Variants in YTHDF2 observed in about 807,000 individuals in gnomAD.
YTHDF2 encodes YTH N6-methyladenosine RNA binding protein F2, also known as YTH domain-containing family protein 2.
YTHDF2 carries 2 observed loss-of-function variants against 50.4 expected under a neutral mutation model. That is an observed-to-expected ratio of 0.04 (90% CI 0.02 to 0.12). The LOEUF is 0.12. YTHDF2 is among the 10% of genes least tolerant of loss of function. The pLI, the probability that YTHDF2 is intolerant of heterozygous loss-of-function variation, is 1.00. For synonymous variants in YTHDF2, 217 were observed against 255.6 expected (o/e 0.85, Z 1.44); for missense variants, 483 against 722.6 (o/e 0.67, Z 3.80).
intron 4 of YTHDF2, among the ~76,000 whole-genome samples, chr1:28,760,990 A>G (rs1242078573): frequency 1.3e-5 from 2 of 152,152 alleles, no homozygotes; most frequent in East Asian, 1.9e-4. Flanking sequence ...CAAGTGAGTA[A>G]TGTTTTGTGC....
At chr1:28,737,863 C>A in intron 2 of YTHDF2, 181 bp downstream of exon 2, 12 of 637,226 alleles carry the variant, frequency 1.9e-5, no homozygotes, top group East Asian at 5.9e-5. Flanking sequence ...AGCTTTTTCG[C>A]TAACAAGGAG....
intron 2 of YTHDF2, 114 bp downstream of exon 2, chr1:28,737,796 A>C: frequency 8.0e-7 from 1 of 1,254,142 alleles, no homozygotes; most frequent in Non-Finnish European, 1.1e-6. Flanking sequence ...CTTAGTTCGC[A>C]GGTGCCGCAC....
At chr1:28,736,661 T>TG (rs1176635797), upstream of YTHDF2, 1 of 165,452 alleles carries the variant, frequency 6.0e-6, no homozygotes, top group African/African-American at 2.4e-5. Context: ...GGTGCGACCC[T>TG]GGTCGTCCCA....
At chr1:28,754,985 G>A (rs920729936) in intron 4 of YTHDF2, among the ~76,000 whole-genome samples, 3 of 148,172 alleles carry the variant, frequency 2.0e-5, no homozygotes, top group East Asian at 2.0e-4. Flanking sequence ...AAAAAAAAAA[G>A]GGGTGGGAGA....
At chr1:28,752,599 G>T (rs550009640) in intron 4 of YTHDF2, among the ~76,000 whole-genome samples, 18 of 152,238 alleles carry the variant, frequency 1.2e-4, no homozygotes, top group African/African-American at 4.1e-4. Flanking sequence ...TGGCCCAGCT[G>T]TTAGTTACAT....
intron 3 of YTHDF2, among the ~76,000 whole-genome samples, chr1:28,741,022 G>A (rs1242687582): frequency 5.6e-5 from 8 of 143,746 alleles, no homozygotes; most frequent in African/African-American, 1.8e-4. Context: ...TTTTTGAGAC[G>A]GAGTCTTGCT....
intron 3 of YTHDF2, 64 bp from the exon 4 acceptor site, chr1:28,742,339 G>C (rs1203977807): frequency 1.4e-5 from 21 of 1,510,868 alleles, no homozygotes; most frequent in Non-Finnish European, 1.5e-5. Flanking sequence ...TGACTAGGTG[G>C]GGGGAGGAAA....
intron 4 of YTHDF2, among the ~76,000 whole-genome samples, chr1:28,748,812 C>G (rs1216782981): frequency 6.6e-6 from 1 of 152,140 alleles, no homozygotes; most frequent in Non-Finnish European, 1.5e-5. Flanking sequence ...TATGACATCA[C>G]TTTTGTTGGC....
Position 28,767,543 on chromosome 1 carries a change from T to C in YTHDF2, c.1717-1386T>C, listed in dbSNP as rs201316348. Among the ~76,000 whole-genome samples the C allele has an allele frequency of 3.3e-4, 50 of 152,120 alleles. 1 individual carries two copies. In the East Asian group the frequency reaches 9.5e-3, roughly 29 times the overall value. On this transcript the variant is annotated intron_variant, in intron 4 of 4. Coordinates refer to ENST00000373812, the MANE Select transcript of YTHDF2 (RefSeq NM_016258.3). ...TTATTTTTTGAGATAGAGTCTCGCT[T>C]TGTCGCCCAGGCTGGAGTGCAGTGG...
chr1:28,757,811 A>G lies in YTHDF2; in HGVS notation c.1717-11118A>G, dbSNP rs181252251. ...CATTTTTTCTTTTCTTTACCTATGTAATTTATACAGTTATAATCATCTTGT... is the reference window on the plus strand; with the variant it reads ...CATTTTTTCTTTTCTTTACCTATGTGATTTATACAGTTATAATCATCTTGT... On this transcript the variant is annotated intron_variant, in intron 4 of 4. Transcript: ENST00000373812. Among the ~76,000 whole-genome samples, 216 of 152,316 alleles carry G rather than the reference A, an allele frequency of 1.4e-3. 1 individual carries two copies. The highest frequency in any genetic ancestry group is 5.0e-3 in the African/African-American group (207 of 41,576).
chr1:28,767,697 A>G (rs897512626), intron 4 of YTHDF2, among the ~76,000 whole-genome samples: 1 of 150,984 alleles, frequency 6.6e-6, no homozygotes, highest in Non-Finnish European at 1.5e-5. Context: ...TTTAGTAGAG[A>G]TGGGGTTTCA....
intron 4 of YTHDF2, among the ~76,000 whole-genome samples, chr1:28,761,131 A>ATTTTTTTT (rs56876999): frequency 1.2e-4 from 11 of 91,402 alleles, no homozygotes; most frequent in African/African-American, 3.2e-4. Context: ...GTGTGTGTGT[A>ATTTTTTTT]TTTTTTTTTT....
rs920261894 is a variant in YTHDF2, at chr1:28,743,170, C to A, written c.900C>A (p.Thr300=). ...QALVQNIGQP[T]QGSPQPVGQQ... is the part of the protein sequence containing the mutation. ...TGGTTCAGAATATAGGTCAGCCAAC[C>A]CAGGGGTCTCCTCAGCCTGTAGGTC... The change falls in exon 4 of 5, where the codon ACC becomes ACA. Residue 300 remains threonine, a synonymous_variant. Coordinates refer to ENST00000373812, the MANE Select transcript of YTHDF2 (RefSeq NM_016258.3). The surrounding 1 kb of genome is among the most constrained non-coding windows in gnomAD (Gnocchi z 6.9). 7 of 1,614,018 alleles carry A rather than the reference C, an allele frequency of 4.3e-6. No individual in the cohort carries two copies. In the African/African-American group the frequency reaches 9.3e-5, roughly 22 times the overall value.
At chr1:28,741,680 G>A (rs999815586) in intron 3 of YTHDF2, among the ~76,000 whole-genome samples, 5 of 152,204 alleles carry the variant, frequency 3.3e-5, no homozygotes, top group Non-Finnish European at 7.3e-5. Flanking sequence ...GATATTCCCA[G>A]ATAGTTTGCC....
intron 4 of YTHDF2, among the ~76,000 whole-genome samples, chr1:28,763,957 A>ATT (rs146019011): frequency 5.6e-5 from 8 of 141,898 alleles, no homozygotes; most frequent in East Asian, 2.1e-4. Flanking sequence ...TATTTATTTT[A>ATT]TTTTTTTTTG....
rs12084540 is a variant in YTHDF2 at position 28,744,101 on chromosome 1, A to G, written c.1716+115A>G. 19,571 of 1,119,770 alleles carry G rather than the reference A, an allele frequency of 0.017. 1,174 individuals are homozygous for G. In the African/African-American group the frequency reaches 0.19, roughly 11 times the overall value. The allele number at this position is 1,119,770 out of a possible 1,614,324, so 69.4% of individuals were successfully genotyped here. ...TCTGTAAATGAATACAGTATCACCT[A>G]ACAGTTCAAGGCTTTATAGAAGTAT... On this transcript the variant is annotated intron_variant, in intron 4 of 4. Coordinates refer to ENST00000373812, the MANE Select transcript of YTHDF2 (RefSeq NM_016258.3).
At chr1:28,755,301 A>T (rs1003790035) in intron 4 of YTHDF2, among the ~76,000 whole-genome samples, 1 of 152,168 alleles carries the variant, frequency 6.6e-6, no homozygotes, top group South Asian at 2.1e-4. Context: ...AACCCTCAGG[A>T]TAGGTAAAGG....
chr1:28,737,600 C>T, intron 1 of YTHDF2, 58 bp from the exon 2 acceptor site: 2 of 1,612,716 alleles, frequency 1.2e-6, no homozygotes, highest in Non-Finnish European at 1.7e-6. Flanking sequence ...ATTTGTTCTT[C>T]CTTTTCCATT....
At position 28,744,004 on chromosome 1, in the gene YTHDF2, A is replaced by C. The variant is rs200917464; in HGVS notation, c.1716+18A>C. 9.4e-5 allele frequency: 143 copies of C among 1,520,518 alleles called. No homozygotes were observed. Among genetic ancestry groups the C allele is most frequent in the African/African-American group, 2.9e-4 (21 of 71,656 alleles). 94.2% of individuals were successfully genotyped at this position (1,520,518 alleles called of 1,614,324 possible). A position where few individuals can be genotyped will look rare whatever the true frequency, so the allele number is the denominator to read the frequency against. On this transcript the variant is annotated intron_variant, in intron 4 of 4. Coordinates refer to ENST00000373812, the MANE Select transcript of YTHDF2 (RefSeq NM_016258.3). ...TTAAAAAGGTAACCCACTTCTTCTT[A>C]TTAAGATTTTTAGGGAAGGAGGAAC...
Sources: gnomAD v4.1 joint callset for allele counts (sites outside exome capture counted in the v4.1 genomes callset) on GRCh38, gnomAD v4.1.1 for gene constraint, Gnocchi (gnomAD v3.1) non-coding constraint, MANE v1.5 for transcripts, NCBI Gene and HGNC (gene_info 2026-07-23, HGNC 2026-07-21) for gene names.